Variants in TRPM3 observed in about 807,000 individuals in gnomAD.
TRPM3 encodes long transient receptor potential channel 3.
TRPM3 carries 77 observed loss-of-function variants against 181.2 expected under a neutral mutation model. That is an observed-to-expected ratio of 0.42 (90% CI 0.35 to 0.51). The LOEUF (loss-of-function observed/expected upper bound fraction) is 0.51, where lower values mean the gene tolerates loss of function less well. Among genes scored for constraint, TRPM3 ranks in the 20% least tolerant of loss-of-function variants. The probability of loss-of-function intolerance (pLI) is 0.01; values close to 1 mark genes in which losing one functional copy is unlikely to be tolerated. For missense variants in TRPM3, 1,759 were observed against 2,196.7 expected (o/e 0.80, Z 3.98); for synonymous variants, 745 against 796.4 (o/e 0.94, Z 1.09).
chr9:71,263,089 T>A (rs2083171685), intron 1 of TRPM3, among the ~76,000 whole-genome samples: 1 of 152,226 alleles, frequency 6.6e-6, no homozygotes, highest in Non-Finnish European at 1.5e-5. Context: ...TAAAAATAAC[T>A]AATGATATCA....
At chr9:70,568,365 G>A (rs10746850) in intron 22 of TRPM3, among the ~76,000 whole-genome samples, 90,416 of 151,998 alleles carry the variant, frequency 0.59, 27,629 homozygotes, top group East Asian at 0.83. Context: ...TATGCCAAGC[G>A]CTTTCATATA....
At chr9:70,836,485 G>T (rs536208517) in intron 5 of TRPM3, among the ~76,000 whole-genome samples, 1 of 152,118 alleles carries the variant, frequency 6.6e-6, no homozygotes, top group Non-Finnish European at 1.5e-5. Context: ...AAACAGCTTT[G>T]ACCAGTAATG....
At chr9:71,419,495 A>C (rs915660095) in intron 1 of TRPM3, among the ~76,000 whole-genome samples, 1 of 152,018 alleles carries the variant, frequency 6.6e-6, no homozygotes, top group Non-Finnish European at 1.5e-5. Flanking sequence ...TTGAAAAATC[A>C]GTCAGGTATC....
At chr9:71,407,936 C>T (rs776208548) in intron 1 of TRPM3, among the ~76,000 whole-genome samples, 10 of 152,062 alleles carry the variant, frequency 6.6e-5, no homozygotes, top group African/African-American at 1.2e-4. Context: ...CTGCAGCCTC[C>T]GCTGGTGATA....
intron 1 of TRPM3, among the ~76,000 whole-genome samples, chr9:71,130,077 A>T (rs1042043677): frequency 2.0e-5 from 3 of 152,188 alleles, no homozygotes; most frequent in African/African-American, 7.2e-5. Context: ...AACTCATGTA[A>T]TTATCAGTAT....
chr9:71,105,798 C>T (rs1019271350), intron 1 of TRPM3, among the ~76,000 whole-genome samples: 10 of 152,134 alleles, frequency 6.6e-5, no homozygotes, highest in African/African-American at 1.9e-4. Context: ...GAACGTAGTA[C>T]GTGTATACAC....
intron 17 of TRPM3, 125 bp downstream of exon 17, chr9:70,618,742 G>C (rs2063166767): frequency 6.2e-6 from 5 of 805,280 alleles, no homozygotes; most frequent in Non-Finnish European, 1.0e-5. Flanking sequence ...CTGAGGCACA[G>C]TCAGGATTTA....
chr9:70,778,925 T>C (rs561400693), intron 7 of TRPM3, among the ~76,000 whole-genome samples: 61 of 152,302 alleles, frequency 4.0e-4, no homozygotes, highest in African/African-American at 1.4e-3. Context: ...GACTTTCTCA[T>C]ACCTTTGGTC....
intron 6 of TRPM3, among the ~76,000 whole-genome samples, chr9:70,788,346 G>C (rs2130942341): frequency 6.6e-6 from 1 of 152,012 alleles, no homozygotes; most frequent in Admixed American, 6.5e-5. Context: ...TGATACATCT[G>C]CAAAGGGCAT....
intron 22 of TRPM3, among the ~76,000 whole-genome samples, chr9:70,567,420 A>G (rs1221914059): frequency 6.6e-6 from 1 of 152,284 alleles, no homozygotes; most frequent in Non-Finnish European, 1.5e-5. Flanking sequence ...CTAAGTTGAT[A>G]ATATTCATTA....
intron 1 of TRPM3, among the ~76,000 whole-genome samples, chr9:71,391,577 G>A (rs574062911): frequency 4.6e-5 from 7 of 152,094 alleles, no homozygotes; most frequent in African/African-American, 1.7e-4. Flanking sequence ...TTATTGAAAT[G>A]TTTCCATATG....
intron 1 of TRPM3, among the ~76,000 whole-genome samples, chr9:71,198,617 T>G (rs1022013629): frequency 7.9e-5 from 12 of 151,628 alleles, no homozygotes; most frequent in African/African-American, 2.7e-4. Flanking sequence ...CCTAGGTATT[T>G]TATTCTCTTT....
At chr9:70,850,666 G>C (rs1182796782) in intron 3 of TRPM3, among the ~76,000 whole-genome samples, 1 of 152,128 alleles carries the variant, frequency 6.6e-6, no homozygotes, top group Non-Finnish European at 1.5e-5. Context: ...TGAGTAGTGT[G>C]GTTTAGCGAC....
chr9:71,092,708 T>A (rs186791313), intron 1 of TRPM3, among the ~76,000 whole-genome samples: 31 of 152,328 alleles, frequency 2.0e-4, no homozygotes, highest in Admixed American at 1.7e-3. Flanking sequence ...ACAAAATTAA[T>A]ATCTTCTACT....
At chr9:71,199,128 A>G (rs1182474746) in intron 1 of TRPM3, among the ~76,000 whole-genome samples, 6 of 149,776 alleles carry the variant, frequency 4.0e-5, no homozygotes, top group Admixed American at 6.7e-5. Flanking sequence ...CTATTGAGAT[A>G]ATCATGTGGT....
At chr9:70,965,414 T>C (rs771078271) in intron 1 of TRPM3, among the ~76,000 whole-genome samples, 8 of 152,090 alleles carry the variant, frequency 5.3e-5, no homozygotes, top group Non-Finnish European at 8.8e-5. Flanking sequence ...CAGATTTCAG[T>C]GTAGTCAGGA....
chr9:70,782,497 C>A (rs1473572193), intron 7 of TRPM3, among the ~76,000 whole-genome samples: 1 of 152,116 alleles, frequency 6.6e-6, no homozygotes, highest in African/African-American at 2.4e-5. Context: ...TAGGCATGAG[C>A]CTCTGTGCCT....
At chr9:70,909,487 C>CT (rs1470826921) in intron 1 of TRPM3, among the ~76,000 whole-genome samples, 1 of 152,128 alleles carries the variant, frequency 6.6e-6, no homozygotes, top group Non-Finnish European at 1.5e-5. Context: ...CCAGGCCTTA[C>CT]TCTGGGGAGC....
intron 1 of TRPM3, among the ~76,000 whole-genome samples, chr9:71,141,140 C>A (rs2075076005): frequency 6.6e-6 from 1 of 152,092 alleles, no homozygotes; most frequent in Non-Finnish European, 1.5e-5. Context: ...AAAATTTCCA[C>A]AAAGAAATAA....
Sources: allele counts gnomAD v4.1 joint callset (sites outside exome capture counted in the v4.1 genomes callset), GRCh38; gene constraint gnomAD v4.1.1; transcripts MANE v1.5; gene names NCBI Gene and HGNC (gene_info 2026-07-23, HGNC 2026-07-21).